The following CTNND2 variants were observed in gnomAD, a reference collection of about 807,000 sequenced individuals.
The protein encoded by CTNND2 is catenin delta 2.
Under a neutral mutation model 144.4 loss-of-function variants are expected in CTNND2, and 22 were observed. That is an observed-to-expected ratio of 0.15 (90% CI 0.11 to 0.22). The LOEUF (loss-of-function observed/expected upper bound fraction) is 0.22. CTNND2 is among the 10% of genes least tolerant of loss of function. The probability of loss-of-function intolerance (pLI) is 1.00; values close to 1 mark genes in which losing one functional copy is unlikely to be tolerated. For missense variants in CTNND2, 1,353 were observed against 1,618.8 expected, an observed-to-expected ratio of 0.84 and a Z score of 2.82; for synonymous variants, 751 against 695.6, an observed-to-expected ratio of 1.08 and a Z score of -1.25.
chr5:11,402,702 G>A (rs1760738646), intron 5 of CTNND2, among the ~76,000 whole-genome samples: 1 of 152,196 alleles, frequency 6.6e-6, no homozygotes, highest in African/African-American at 2.4e-5. Flanking sequence ...TTCCAAAAAT[G>A]AGCTGAGAGA....
intron 9 of CTNND2, among the ~76,000 whole-genome samples, chr5:11,310,551 A>G (rs535215068): frequency 4.6e-5 from 7 of 152,020 alleles, no homozygotes; most frequent in Middle Eastern, 3.4e-3. Context: ...GATTCTGTCA[A>G]TCCTCATTCA....
At chr5:11,708,057 T>A (rs1196925520) in intron 2 of CTNND2, among the ~76,000 whole-genome samples, 2 of 151,990 alleles carry the variant, frequency 1.3e-5, no homozygotes, top group African/African-American at 4.8e-5. Context: ...GATGATTTTT[T>A]TTTTTTTGAG....
intron 1 of CTNND2, among the ~76,000 whole-genome samples, chr5:11,826,342 AAAAG>A (rs375746472): frequency 4.5e-4 from 69 of 152,164 alleles, no homozygotes; most frequent in Admixed American, 1.1e-3. Flanking sequence ...AGGTAAAAAT[AAAAG>A]AAAGAGCTAG....
chr5:11,379,297 C>T lies in CTNND2; in HGVS notation c.1177+5368G>A, dbSNP rs141181932. ...ATTTATATTGCATTTCTACATCCTT[C>T]GTGTTTTTCTCCACTGACACAAAAA... On this transcript the variant is annotated intron_variant, in intron 7 of 21. Coordinates refer to ENST00000304623, the MANE Select transcript of CTNND2 (RefSeq NM_001332.4). Among the ~76,000 whole-genome samples, 193 of 152,220 alleles carry T rather than the reference C, an allele frequency of 1.3e-3. 1 individual carries two copies. Among genetic ancestry groups the T allele is most frequent in the Middle Eastern group, 3.4e-3 (1 of 294 alleles).
In CTNND2 at chr5:10,997,743, C is replaced by T. The variant is rs1052106015; in HGVS notation, c.3085-5066G>A. On this transcript the variant is annotated intron_variant, in intron 18 of 21. Coordinates refer to ENST00000304623, the MANE Select transcript of CTNND2 (RefSeq NM_001332.4). ...TGCTTTGGGATTCCAAGTAGTGGCT[C>T]GGGACAGTCGTTTAGTCAAAACCTT... Among the ~76,000 whole-genome samples the T allele has an allele frequency of 7.9e-5, 12 of 152,034 alleles. 1 individual carries two copies. Among genetic ancestry groups the T allele is most frequent in the Non-Finnish European group, 1.3e-4 (9 of 68,012 alleles).
chr5:11,724,977 C>A (rs971561258), intron 2 of CTNND2, among the ~76,000 whole-genome samples: 2 of 152,036 alleles, frequency 1.3e-5, no homozygotes, highest in African/African-American at 4.8e-5. Context: ...AGTGGCCCAG[C>A]TGCTTCCTGA....
At chr5:11,833,102 A>G (rs1415594618) in intron 1 of CTNND2, among the ~76,000 whole-genome samples, 1 of 152,232 alleles carries the variant, frequency 6.6e-6, no homozygotes, top group Non-Finnish European at 1.5e-5. Flanking sequence ...TAAAAAGCTA[A>G]GCATGCAATT....
At chr5:11,334,220 G>C (rs1031088491) in intron 9 of CTNND2, among the ~76,000 whole-genome samples, 1 of 152,110 alleles carries the variant, frequency 6.6e-6, no homozygotes. Context: ...TCACTGCAAA[G>C]AAATCATACA....
intron 3 of CTNND2, among the ~76,000 whole-genome samples, chr5:11,526,890 G>T (rs541873880): frequency 9.1e-6 from 1 of 109,882 alleles, no homozygotes; most frequent in South Asian, 3.4e-4. Flanking sequence ...CCATACTGTG[G>T]AATATTATTT....
chr5:11,796,796 T>G (rs1225368112), intron 1 of CTNND2, among the ~76,000 whole-genome samples: 1 of 152,128 alleles, frequency 6.6e-6, no homozygotes, highest in African/African-American at 2.4e-5. Flanking sequence ...TCCTACATTT[T>G]TATAACAAAA....
intron 3 of CTNND2, among the ~76,000 whole-genome samples, chr5:11,455,742 A>G (rs1049369589): frequency 8.5e-5 from 13 of 152,332 alleles, no homozygotes; most frequent in Admixed American, 2.6e-4. Flanking sequence ...AAAAAAGATG[A>G]CATTTTACTT....
At chr5:11,900,283 A>C (rs1737755747) in intron 1 of CTNND2, among the ~76,000 whole-genome samples, 1 of 152,222 alleles carries the variant, frequency 6.6e-6, no homozygotes, top group South Asian at 2.1e-4. Context: ...ACCATGATTC[A>C]GAGCTTGGAA....
chr5:11,831,065 T>C (rs2126961590), intron 1 of CTNND2, among the ~76,000 whole-genome samples: 1 of 152,266 alleles, frequency 6.6e-6, no homozygotes, highest in East Asian at 1.9e-4. Flanking sequence ...TGTGTGTGTT[T>C]ATGTGTGTCT....
intron 10 of CTNND2, among the ~76,000 whole-genome samples, chr5:11,210,503 C>T (rs1348403600): frequency 1.1e-4 from 17 of 152,244 alleles, no homozygotes; most frequent in Non-Finnish European, 1.5e-5. Context: ...AAATAGTCAT[C>T]TCCCTTGAGC....
intron 18 of CTNND2, among the ~76,000 whole-genome samples, chr5:11,003,315 A>G (rs1740152121): frequency 6.6e-6 from 1 of 152,220 alleles, no homozygotes; most frequent in Non-Finnish European, 1.5e-5. Flanking sequence ...AAGCAAGACT[A>G]CTTCGCTGGG....
intron 1 of CTNND2, among the ~76,000 whole-genome samples, chr5:11,883,230 G>A (rs1736259425): frequency 6.6e-6 from 1 of 152,108 alleles, no homozygotes; most frequent in South Asian, 2.1e-4. Flanking sequence ...TGTGCAGAAT[G>A]TGCAGGTTAG....
chr5:11,239,976 A>T (rs1393801954), intron 9 of CTNND2, among the ~76,000 whole-genome samples: 1 of 152,086 alleles, frequency 6.6e-6, no homozygotes, highest in Non-Finnish European at 1.5e-5. Context: ...CACCAGATGG[A>T]CTCCACATAA....
At chr5:11,710,423 C>A (rs779055075) in intron 2 of CTNND2, among the ~76,000 whole-genome samples, 4 of 151,866 alleles carry the variant, frequency 2.6e-5, no homozygotes, top group Non-Finnish European at 5.9e-5. Context: ...GCCTGTAGTC[C>A]CAGCTACTTG....
chr5:11,214,883 T>C (rs1739007774), intron 10 of CTNND2, among the ~76,000 whole-genome samples: 1 of 152,144 alleles, frequency 6.6e-6, no homozygotes, highest in Non-Finnish European at 1.5e-5. Context: ...TCCCCCTTCA[T>C]CCTCAATCTT....
Sources: allele counts gnomAD v4.1 joint callset (sites outside exome capture counted in the v4.1 genomes callset), GRCh38; gene constraint gnomAD v4.1.1; transcripts MANE v1.5; gene names NCBI Gene and HGNC (gene_info 2026-07-23, HGNC 2026-07-21).